Variants in RAB11FIP3 observed in about 807,000 individuals in gnomAD.
RAB11FIP3 encodes RAB11 family interacting protein 3.
RAB11FIP3 carries 17 observed loss-of-function variants against 77.8 expected under a neutral mutation model. The ratio of observed to expected loss-of-function variants is 0.22; its 90% confidence interval spans 0.15 to 0.33. The LOEUF (loss-of-function observed/expected upper bound fraction) is 0.33. Ranked by LOEUF, RAB11FIP3 falls within the 10% of genes least tolerant of loss-of-function variation. RAB11FIP3 has a pLI of 1.00. For synonymous variants in RAB11FIP3, 437 were observed against 448.2 expected (o/e 0.98, Z 0.31); for missense variants, 1,005 against 1,011.2 (o/e 0.99, Z 0.08).
chr16:499,792 T>C, intron 6 of RAB11FIP3, among the ~76,000 whole-genome samples: 1 of 117,512 alleles, frequency 8.5e-6, no homozygotes, highest in African/African-American at 3.6e-5. Flanking sequence ...AGCAAGACTG[T>C]CTCAAAAAAA....
intron 3 of RAB11FIP3, among the ~76,000 whole-genome samples, chr16:474,676 G>C (rs980900502): frequency 6.6e-6 from 1 of 152,192 alleles, no homozygotes; most frequent in Non-Finnish European, 1.5e-5. Context: ...GCAAAGAGCT[G>C]CCTTAGTGAA....
intron 1 of RAB11FIP3, among the ~76,000 whole-genome samples, chr16:429,640 C>T (rs1244051580): frequency 2.6e-5 from 4 of 151,910 alleles, no homozygotes; most frequent in Non-Finnish European, 5.9e-5. Flanking sequence ...GCTGGGATTA[C>T]CGGTGCCCGT....
chr16:493,302 A>G (rs1391580095), intron 5 of RAB11FIP3, among the ~76,000 whole-genome samples: 2 of 151,334 alleles, frequency 1.3e-5, no homozygotes, highest in Non-Finnish European at 2.9e-5. Flanking sequence ...ATGCTATTCA[A>G]TTCAACACAA....
At chr16:469,106 C>T (rs1402422386) in intron 2 of RAB11FIP3, among the ~76,000 whole-genome samples, 1 of 152,014 alleles carries the variant, frequency 6.6e-6, no homozygotes, top group African/African-American at 2.4e-5. Flanking sequence ...CTCGCTGTAG[C>T]CCAGGCTGGA....
At chr16:441,865 G>A (rs935164966) in intron 1 of RAB11FIP3, among the ~76,000 whole-genome samples, 1 of 152,344 alleles carries the variant, frequency 6.6e-6, no homozygotes, top group Non-Finnish European at 1.5e-5. Flanking sequence ...TTGAGACGGA[G>A]TCTCGCTCTC....
At chr16:492,379 GCCGC>G (rs1567391877) in intron 5 of RAB11FIP3, among the ~76,000 whole-genome samples, 2 of 139,620 alleles carry the variant, frequency 1.4e-5, no homozygotes, top group Non-Finnish European at 3.1e-5. Flanking sequence ...GAGACCCGAG[GCCGC>G]CCAGAGCCCT....
At position 490,121 on chromosome 16, in the gene RAB11FIP3, C is replaced by T. The variant is rs1265118115; in HGVS notation, c.1265+1121C>T. On this transcript the variant is annotated intron_variant, in intron 5 of 13. Coordinates refer to ENST00000262305, the MANE Select transcript of RAB11FIP3 (RefSeq NM_014700.4). Reference sequence around the variant, plus strand: ...CTCCTGTTCAGTGTTTTCATTGTTACCTGTTTGAAGTGTAATGTCTATGCT... The same window carrying T: ...CTCCTGTTCAGTGTTTTCATTGTTATCTGTTTGAAGTGTAATGTCTATGCT... Among the ~76,000 whole-genome samples, 3 of 152,244 alleles carry T rather than the reference C, an allele frequency of 2.0e-5. No homozygotes were observed. The East Asian group carries it at 5.8e-4, about 29-fold the overall frequency.
chr16:476,451 C>G (rs1271655540), intron 3 of RAB11FIP3, among the ~76,000 whole-genome samples: 1 of 152,126 alleles, frequency 6.6e-6, no homozygotes, highest in Non-Finnish European at 1.5e-5. Flanking sequence ...CCGGACCTCC[C>G]TCCCTTCGTA....
intron 9 of RAB11FIP3, among the ~76,000 whole-genome samples, chr16:516,430 ACTGAGGTTATCT>A (rs1230402282): frequency 6.6e-6 from 1 of 152,210 alleles, no homozygotes; most frequent in Non-Finnish European, 1.5e-5. Context: ...GAGCACAGAC[ACTGAGGTTATCT>A]CAGAGGGACA....
chr16:509,955 G>A lies in RAB11FIP3; in HGVS notation c.1500-705G>A, dbSNP rs568977738. On this transcript the variant is annotated intron_variant, in intron 8 of 13. Coordinates refer to ENST00000262305, the MANE Select transcript of RAB11FIP3 (RefSeq NM_014700.4). ...CAGTTCTCTGGTGTTCAGCTGCCGC[G>A]GACCACGTGCTCATCAGACACTCAC... Among the ~76,000 whole-genome samples the A allele has an allele frequency of 2.2e-3, 337 of 152,316 alleles. 6 individuals carry two copies. Among genetic ancestry groups the A allele is most frequent in the African/African-American group, 7.8e-3 (322 of 41,530 alleles).
At chr16:495,902 C>T (rs2031083945) in intron 5 of RAB11FIP3, among the ~76,000 whole-genome samples, 1 of 152,164 alleles carries the variant, frequency 6.6e-6, no homozygotes, top group Non-Finnish European at 1.5e-5. Context: ...AGGCATGCGC[C>T]ACCATTCCCG....
rs974521753 is a variant in RAB11FIP3, at chr16:507,711, G to A, written c.1499+2084G>A. On this transcript the variant is annotated intron_variant, in intron 8 of 13. Coordinates refer to ENST00000262305, the MANE Select transcript of RAB11FIP3 (RefSeq NM_014700.4). The surrounding 1 kb of genome is among the most constrained non-coding windows in gnomAD (Gnocchi z 4.6). Reference sequence around the variant, plus strand: ...TTCAGTTCCTGTGGCTGTTCCCTGTGGTGCTCACCTCCAACGTCCTAAACA... The same window carrying A: ...TTCAGTTCCTGTGGCTGTTCCCTGTAGTGCTCACCTCCAACGTCCTAAACA... Among the ~76,000 whole-genome samples the A allele has an allele frequency of 3.3e-5, 5 of 152,224 alleles. No individual in the cohort carries two copies. The highest frequency in any genetic ancestry group is 1.2e-4 in the African/African-American group (5 of 41,446).
chr16:510,027 G>A (rs553436779), intron 8 of RAB11FIP3, among the ~76,000 whole-genome samples: 22 of 151,830 alleles, frequency 1.4e-4, no homozygotes, highest in East Asian at 9.7e-4. Flanking sequence ...TCCACGCCCC[G>A]TCCCGAGGCC....
chr16:464,267 T>C (rs917498180), intron 2 of RAB11FIP3, among the ~76,000 whole-genome samples: 1 of 152,208 alleles, frequency 6.6e-6, no homozygotes, highest in Non-Finnish European at 1.5e-5. Context: ...GATGGGGCCG[T>C]GTCTCAGTCT....
Position 514,715 on chromosome 16 carries a change from C to T in RAB11FIP3, c.1640+3915C>T, listed in dbSNP as rs1047447021. Among the ~76,000 whole-genome samples the T allele has an allele frequency of 6.6e-6, 1 of 152,136 alleles. No individual in the cohort carries two copies. The highest frequency in any genetic ancestry group is 6.5e-5 in the Admixed American group (1 of 15,274). ...AGGCCAGGTACCTCTGGGAGTGGGG[C>T]CCCCAGGGGCTTCCAGAAAGTATGG... On this transcript the variant is annotated intron_variant, in intron 9 of 13. Transcript: ENST00000262305. This position sits in a 1 kb window ranked among gnomAD's most constrained non-coding sequence, Gnocchi z 4.6.
At position 488,853 on chromosome 16, in the gene RAB11FIP3, C is replaced by T; in HGVS notation, c.1118C>T (p.Pro373Leu). The change falls in exon 5 of 14, where the codon CCT becomes CTT. Residue 373 changes from proline to leucine, a missense_variant and splice_region_variant. Pro to Leu is a moderately conservative substitution (Grantham distance 98). Coordinates refer to ENST00000262305, the MANE Select transcript of RAB11FIP3 (RefSeq NM_014700.4). ...HGALLLLPGR[P>L]HPHGQSVITV... ...ATCATTTCTGTTTTACTTTGCAGGC[C>T]TCACCCCCATGGCCAGTCTGTCATC... is the stretch of plus-strand genomic sequence containing the variant. 1.2e-6 allele frequency: 2 copies of T among 1,613,666 alleles called. No homozygotes were observed.
At chr16:490,430 T>C (rs568051628) in intron 5 of RAB11FIP3, among the ~76,000 whole-genome samples, 1 of 152,300 alleles carries the variant, frequency 6.6e-6, no homozygotes, top group East Asian at 1.9e-4. Context: ...GGTGCAATCA[T>C]GGCTCACTGC....
intron 2 of RAB11FIP3, among the ~76,000 whole-genome samples, chr16:463,108 G>T (rs1417354566): frequency 6.6e-6 from 1 of 152,094 alleles, no homozygotes; most frequent in Non-Finnish European, 1.5e-5. Flanking sequence ...ACTCTCACCA[G>T]TCCCCATACT....
intron 1 of RAB11FIP3, among the ~76,000 whole-genome samples, chr16:460,881 G>T (rs1334981456): frequency 1.3e-5 from 2 of 152,170 alleles, no homozygotes; most frequent in Non-Finnish European, 2.9e-5. Context: ...CTGTCCTGTG[G>T]CTGTGACCGT....
Sources: gnomAD v4.1 joint callset for allele counts (sites outside exome capture counted in the v4.1 genomes callset) on GRCh38, gnomAD v4.1.1 for gene constraint, Gnocchi (gnomAD v3.1) non-coding constraint, MANE v1.5 for transcripts, NCBI Gene and HGNC (gene_info 2026-07-23, HGNC 2026-07-21) for gene names.